The following TEKT2 variants were observed in gnomAD, a reference collection of about 807,000 sequenced individuals.
TEKT2 encodes the protein tektin-2.
In TEKT2, 45 loss-of-function variants were observed where a neutral mutation model predicts 49.8. The observed-to-expected ratio is 0.90, with a 90% CI of 0.71 to 1.16. The LOEUF (loss-of-function observed/expected upper bound fraction) is 1.16. Among genes scored for constraint, TEKT2 ranks in the 50% most tolerant of loss-of-function variants. The probability of loss-of-function intolerance (pLI) is 0.00; values close to 1 mark genes in which losing one functional copy is unlikely to be tolerated. For synonymous variants in TEKT2, 202 were observed against 224.6 expected (o/e 0.90, Z 0.90); for missense variants, 523 against 551.4 (o/e 0.95, Z 0.52).
rs776704929 is a variant in TEKT2, at chr1:36,087,495, G to A, written c.912G>A (p.Leu304=). Residue 304 remains leucine (L), a synonymous_variant, in exon 8 of 10, where the codon CTG becomes CTA. Coordinates refer to ENST00000207457, the MANE Select transcript of TEKT2 (RefSeq NM_014466.3). The surrounding 1 kb of genome is among the most constrained non-coding windows in gnomAD (Gnocchi z 4.9). ...ACATCCGGCACCTGGAGGAGGATCT[G>A]CGCACAAAGCTCCTGAGCCTGAAGC... ...QEDIRHLEED[L]RTKLLSLKLS... The A allele has an allele frequency of 1.2e-6, 2 of 1,613,698 alleles. No individual in the cohort carries two copies. The highest frequency in any genetic ancestry group is 1.1e-5 in the South Asian group (1 of 91,090).
Position 36,086,016 on chromosome 1 carries a change from G to A in TEKT2, c.463G>A (p.Val155Ile). The change falls in exon 4 of 10, where the codon GTC (valine) becomes ATC (isoleucine). Residue 155 changes from valine (V) to isoleucine (I), a missense_variant. By Grantham distance (29) the Val-to-Ile change is conservative (BLOSUM62 3). Transcript: ENST00000207457. ...EATKKALQQK[V>I]SQAFEQLCLL... ...CACCAAGAAGGCCTTGCAACAGAAG[G>A]TCAGCCAGGCCTTCGAGCAGCTCTG... The A allele has an allele frequency of 6.3e-7, 1 of 1,596,776 alleles. No individual in the cohort carries two copies. Among genetic ancestry groups the A allele is most frequent in the Non-Finnish European group, 8.5e-7 (1 of 1,171,248 alleles).
chr1:36,085,215 C>T lies in TEKT2; in HGVS notation c.209C>T (p.Thr70Ile). 1 of 1,614,218 alleles carries T rather than the reference C, an allele frequency of 6.2e-7. No homozygotes were observed. Among genetic ancestry groups the T allele is most frequent in the Non-Finnish European group, 8.5e-7 (1 of 1,180,040 alleles). The change falls in exon 3 of 10, where the codon ACT (threonine) becomes ATT (isoleucine). Residue 70 changes from threonine to isoleucine, a missense_variant. Coordinates refer to ENST00000207457, the MANE Select transcript of TEKT2 (RefSeq NM_014466.3). ...NRTRLVERID[T>I]VNRWKEMLDK... ...ACTCGACTGGTGGAGAGGATTGATA[C>T]TGTCAACCGGTGGAAGGAGATGCTG... is the stretch of plus-strand genomic sequence containing the variant.
At chr1:36,086,245 G>A (rs1034832139) in intron 4 of TEKT2, among the ~76,000 whole-genome samples, 1 of 152,138 alleles carries the variant, frequency 6.6e-6, no homozygotes, top group Non-Finnish European at 1.5e-5. Flanking sequence ...TCACGACCCT[G>A]CCCTGGGCAG....
At chr1:36,085,440 C>A (rs1475389435) in intron 3 of TEKT2, 152 bp downstream of exon 3, 49 of 1,139,912 alleles carry the variant, frequency 4.3e-5, no homozygotes, top group Non-Finnish European at 5.9e-5. Flanking sequence ...GCGCTACTTC[C>A]CCATGGATGG....
rs1643326492 is a variant in TEKT2, at chr1:36,084,100, A to T, written c.-102A>T. ...TGGTTGCCTAGCAACCGGTGGTGCC[A>T]AACACTGGAGCTCAGAGCGGGGGGC... On this transcript the variant is annotated 5_prime_UTR_variant, in exon 1 of 10. Coordinates refer to ENST00000207457, the MANE Select transcript of TEKT2 (RefSeq NM_014466.3). This position sits in a 1 kb window ranked among gnomAD's most constrained non-coding sequence, Gnocchi z 4.1. 1 of 152,208 alleles carries T rather than the reference A, an allele frequency of 6.6e-6. No individual in the cohort carries two copies. The allele number at this position is 152,208 out of a possible 1,614,324, so 9.4% of individuals were successfully genotyped here.
In TEKT2 at chr1:36,088,071, C is replaced by A; in HGVS notation, c.1178C>A (p.Thr393Lys). The A allele has an allele frequency of 6.2e-7, 1 of 1,612,894 alleles. No homozygotes were observed. The highest frequency in any genetic ancestry group is 8.5e-7 in the Non-Finnish European group (1 of 1,179,802). ...SMLLDTKCMD[T>K]RRKLTVPAER... ...CTGCTGGACACCAAGTGCATGGACACACGGCGCAAGCTGACCGTGCCTGCT... is the reference window on the plus strand; with the variant it reads ...CTGCTGGACACCAAGTGCATGGACAAACGGCGCAAGCTGACCGTGCCTGCT... The change falls in exon 10 of 10, where the codon ACA (threonine) becomes AAA (lysine). Residue 393 changes from threonine (T) to lysine (K), a missense_variant. Physicochemically the swap from Thr to Lys is moderately conservative, Grantham distance 78. Coordinates refer to ENST00000207457, the MANE Select transcript of TEKT2 (RefSeq NM_014466.3).
Position 36,088,202 on chromosome 1 carries a change from G to C in TEKT2, c.*16G>C, listed in dbSNP as rs926357540. On this transcript the variant is annotated 3_prime_UTR_variant, in exon 10 of 10. Coordinates refer to ENST00000207457, the MANE Select transcript of TEKT2 (RefSeq NM_014466.3). ...GCTGGCCTAGCCTTGGAGGACTGCA[G>C]GAGGAGGGCAGGGTTGGGTGGGCAA... The C allele has an allele frequency of 7.5e-6, 12 of 1,597,786 alleles. No homozygotes were observed. The highest frequency in any genetic ancestry group is 2.7e-5 in the African/African-American group (2 of 74,570).
rs772215176 is a variant in TEKT2, at chr1:36,087,015, G to A, written c.717G>A (p.Leu239=). Residue 239 remains leucine (L), a synonymous_variant, in exon 6 of 10, where the codon CTG becomes CTA. Transcript: ENST00000207457. This position sits in a 1 kb window ranked among gnomAD's most constrained non-coding sequence, Gnocchi z 4.9. ...AEAEMKAATE[L]REATALTIAE... is the part of the protein sequence containing the mutation. ...CTGAGATGAAGGCAGCCACAGAGCT[G>A]AGGGAGGCCACTGCTCTAACTATTG... is the stretch of plus-strand genomic sequence containing the variant. 19 of 1,613,918 alleles carry A rather than the reference G, an allele frequency of 1.2e-5. No individual in the cohort carries two copies. The highest frequency in any genetic ancestry group is 1.2e-4 in the Admixed American group (7 of 60,002).
rs1643337543 is a variant in TEKT2 at position 36,084,617 on chromosome 1, C to T, written c.-52-253C>T. The T allele has an allele frequency of 3.9e-6, 2 of 514,448 alleles. No individual in the cohort carries two copies. Among genetic ancestry groups the T allele is most frequent in the Non-Finnish European group, 7.0e-6 (2 of 283,934 alleles). 31.9% of individuals were successfully genotyped at this position (514,448 alleles called of 1,614,324 possible). ...CACTTCACACACACTTCGAGGCTTC[C>T]GGGACTCCATTATTCCTTTTTACCT... On this transcript the variant is annotated intron_variant, in intron 1 of 9. Transcript: ENST00000207457. This position sits in a 1 kb window ranked among gnomAD's most constrained non-coding sequence, Gnocchi z 4.1.
Position 36,087,381 on chromosome 1 carries a change from T to TA in TEKT2, c.856-58_856-57insA, listed in dbSNP as rs751943721. On this transcript the variant is annotated intron_variant, in intron 7 of 9. Transcript: ENST00000207457. The surrounding 1 kb of genome is among the most constrained non-coding windows in gnomAD (Gnocchi z 4.9). The stretch of plus-strand genomic sequence containing the variant: ...GCCGCATGCCCCCGCCAGGAGGCAC[T>TA]GGACCAGGCATGCACGTGAGTCCAG... 25 of 1,613,750 alleles carry TA rather than the reference T, an allele frequency of 1.5e-5. No individual in the cohort carries two copies. The highest frequency in any genetic ancestry group is 1.9e-5 in the Non-Finnish European group (23 of 1,179,960).
In TEKT2 at chr1:36,084,443, C is replaced by T; in HGVS notation, c.-53+294C>T. The T allele has an allele frequency of 4.4e-6, 1 of 225,246 alleles. No individual in the cohort carries two copies. Among genetic ancestry groups the T allele is most frequent in the Non-Finnish European group, 9.0e-6 (1 of 110,992 alleles). 14.0% of individuals were successfully genotyped at this position (225,246 alleles called of 1,614,324 possible). On this transcript the variant is annotated intron_variant, in intron 1 of 9. Coordinates refer to ENST00000207457, the MANE Select transcript of TEKT2 (RefSeq NM_014466.3). This position sits in a 1 kb window ranked among gnomAD's most constrained non-coding sequence, Gnocchi z 4.1. Reference sequence around the variant, plus strand: ...GCGTCCCTGGAGACAGAACAGGGCTCCTGCCCTTAGATCCCCCACGGGGAC... The same window carrying T: ...GCGTCCCTGGAGACAGAACAGGGCTTCTGCCCTTAGATCCCCCACGGGGAC...
rs2124026875 is a variant in TEKT2, at chr1:36,084,546, T to C, written c.-52-324T>C. The C allele has an allele frequency of 2.8e-6, 1 of 360,242 alleles. No individual in the cohort carries two copies. Among genetic ancestry groups the C allele is most frequent in the Non-Finnish European group, 5.3e-6 (1 of 190,382 alleles). 22.3% of individuals were successfully genotyped at this position (360,242 alleles called of 1,614,324 possible). ...CTGGGGGCAGGTGTGGAAAATGCAT[T>C]AAGGGCAATTTTTTTCTGCCATCCG... On this transcript the variant is annotated intron_variant, in intron 1 of 9. Coordinates refer to ENST00000207457, the MANE Select transcript of TEKT2 (RefSeq NM_014466.3). The surrounding 1 kb of genome is among the most constrained non-coding windows in gnomAD (Gnocchi z 4.1).
intron 3 of TEKT2, 120 bp from the exon 4 acceptor site, chr1:36,085,716 C>T: frequency 9.9e-7 from 1 of 1,007,506 alleles, no homozygotes. Context: ...GACGGGGTTT[C>T]ACCATTTTGG....
rs752166490 is a variant in TEKT2 at position 36,085,273 on chromosome 1, C to T, written c.267C>T (p.Ile89=). The T allele has an allele frequency of 1.1e-5, 17 of 1,613,856 alleles. No individual in the cohort carries two copies. The East Asian group carries it at 1.8e-4, about 17-fold the overall frequency. The stretch of plus-strand genomic sequence containing the variant: ...GTCTGACAGATTTAGATGCCGAGAT[C>T]GATGCCCTGACACAGGCAGGGATCC... ...DKCLTDLDAE[I]DALTQMKESA... Residue 89 remains isoleucine, a synonymous_variant, in exon 3 of 10, where the codon ATC becomes ATT. Coordinates refer to ENST00000207457, the MANE Select transcript of TEKT2 (RefSeq NM_014466.3).
In TEKT2 at chr1:36,087,157, C is replaced by A. The variant is rs1308933493; in HGVS notation, c.748-47C>A. 5.0e-6 allele frequency: 8 copies of A among 1,606,544 alleles called. No homozygotes were observed. Among genetic ancestry groups the A allele is most frequent in the Non-Finnish European group, 6.8e-6 (8 of 1,173,424 alleles). On this transcript the variant is annotated intron_variant, in intron 6 of 9. Transcript: ENST00000207457. The surrounding 1 kb of genome is among the most constrained non-coding windows in gnomAD (Gnocchi z 4.9). Reference sequence around the variant, plus strand: ...CCCTCGCTTGAGTAATATCCTCAGGCAGCCCTGAGTGTAGACCCTCCCCTT... The same window carrying A: ...CCCTCGCTTGAGTAATATCCTCAGGAAGCCCTGAGTGTAGACCCTCCCCTT...
At position 36,087,759 on chromosome 1, in the gene TEKT2, A is replaced by G. The variant is rs1385905143; in HGVS notation, c.1031A>G (p.Gln344Arg). The G allele has an allele frequency of 6.2e-7, 1 of 1,613,716 alleles. No individual in the cohort carries two copies. Among genetic ancestry groups the G allele is most frequent in the East Asian group, 2.2e-5 (1 of 44,896 alleles). ...AQYGLTDEVH[Q>R]LEATIAALKQ... ...TACGGCCTCACCGACGAGGTTCACC[A>G]GCTAGAGGCAACCATCGCTGCCCTG... Residue 344 changes from glutamine to arginine, a missense_variant, in exon 9 of 10, where the codon CAG becomes CGG. Transcript: ENST00000207457. The surrounding 1 kb of genome is among the most constrained non-coding windows in gnomAD (Gnocchi z 4.9).
rs539475196 is a variant in TEKT2, at chr1:36,088,104, TC to T, written c.1212del (p.Phe404LeufsTer16). On this transcript the variant is annotated frameshift_variant, in exon 10 of 10. Coordinates refer to ENST00000207457, the MANE Select transcript of TEKT2 (RefSeq NM_014466.3). LOFTEE classifies it high-confidence loss of function. The part of the protein sequence containing the change: ...RRKLTVPAER[F>X]VPEVDTFTRT... ...AAGCTGACCGTGCCTGCTGAGAGGT[TC>T]GTGCCTGAGGTGGACACCTTCACAC... 105 of 1,613,076 alleles carry T rather than the reference TC, an allele frequency of 6.5e-5. No homozygotes were observed. The African/African-American group carries it at 1.3e-3, about 20-fold the overall frequency.
chr1:36,086,762 C>G lies in TEKT2; in HGVS notation c.547C>G (p.Leu183Val), dbSNP rs763066340. Residue 183 changes from leucine to valine, a missense_variant, in exon 5 of 10, where the codon CTA becomes GTA. Physicochemically the swap from Leu to Val is conservative, Grantham distance 32. Transcript: ENST00000207457. ...NSDHRGKMETLEIDRGCLSLN... is the reference protein window; with the variant it reads ...NSDHRGKMETVEIDRGCLSLN... Reference sequence around the variant, plus strand: ...CGACCATCGGGGCAAAATGGAGACACTAGAGATCGACAGAGGCTGTCTCTC... The same window carrying G: ...CGACCATCGGGGCAAAATGGAGACAGTAGAGATCGACAGAGGCTGTCTCTC... The G allele has an allele frequency of 1.5e-5, 24 of 1,614,114 alleles. No homozygotes were observed. The South Asian group carries it at 2.6e-4, about 18-fold the overall frequency.
chr1:36,085,371 G>A (rs1451074657), intron 3 of TEKT2, 83 bp downstream of exon 3: 4 of 1,600,164 alleles, frequency 2.5e-6, no homozygotes, highest in African/African-American at 1.3e-5. Context: ...AGCCCTTGAT[G>A]GGGGGTCATG....
Sources: gnomAD v4.1 joint callset for allele counts (sites outside exome capture counted in the v4.1 genomes callset) on GRCh38, gnomAD v4.1.1 for gene constraint, Gnocchi (gnomAD v3.1) non-coding constraint, MANE v1.5 for transcripts, NCBI Gene and HGNC (gene_info 2026-07-23, HGNC 2026-07-21) for gene names.